The following MYO1D variants were observed in gnomAD, a reference collection of about 807,000 sequenced individuals.
MYO1D encodes unconventional myosin-Id.
In MYO1D, 83 loss-of-function variants were observed where a neutral mutation model predicts 122.0. The ratio of observed to expected loss-of-function variants is 0.68; its 90% CI spans 0.57 to 0.82. The LOEUF is 0.82. MYO1D is among the 40% of genes least tolerant of loss of function. MYO1D has a pLI of 0.00. For missense variants in MYO1D, 1,157 were observed against 1,269.5 expected, an observed-to-expected ratio of 0.91 and a Z score of 1.35; for synonymous variants, 464 against 446.9, an observed-to-expected ratio of 1.04 and a Z score of -0.48.
chr17:32,726,211 G>A (rs1302047364), intron 14 of MYO1D, among the ~76,000 whole-genome samples: 5 of 152,094 alleles, frequency 3.3e-5, no homozygotes, highest in Admixed American at 2.6e-4. Flanking sequence ...TTGAGGTCAG[G>A]GGTTTGAGAC....
chr17:32,636,642 T>A (rs956062696), intron 20 of MYO1D, among the ~76,000 whole-genome samples: 1 of 151,934 alleles, frequency 6.6e-6, no homozygotes, highest in Admixed American at 6.6e-5. Context: ...GGCAAGGAAG[T>A]GGGGAGAGAA....
intron 16 of MYO1D, among the ~76,000 whole-genome samples, chr17:32,662,433 G>A (rs2088579049): frequency 6.6e-6 from 1 of 152,196 alleles, no homozygotes; most frequent in Admixed American, 6.5e-5. Context: ...GGCACTTTGG[G>A]AGGCCAAGGT....
rs144471979 is a variant in MYO1D, at chr17:32,540,990, G to A, written c.2865-46075C>T. Among the ~76,000 whole-genome samples the A allele has an allele frequency of 1.7e-4, 25 of 151,252 alleles. 1 individual carries two copies. Among genetic ancestry groups the A allele is most frequent in the Admixed American group, 5.3e-4 (8 of 15,152 alleles). On this transcript the variant is annotated intron_variant, in intron 21 of 21. Transcript: ENST00000318217. ...AATGGAGAAATTAGAAGCTTCATAC[G>A]CTGCTGGTAGAAATACAGTGGTCAC...
intron 13 of MYO1D, among the ~76,000 whole-genome samples, chr17:32,740,380 A>G (rs576879931): frequency 8.4e-4 from 128 of 152,352 alleles, no homozygotes; most frequent in African/African-American, 3.0e-3. Context: ...TGAAGGAAAT[A>G]AGATAATACG....
chr17:32,814,948 G>A (rs371068242), intron 1 of MYO1D, among the ~76,000 whole-genome samples: 1 of 152,218 alleles, frequency 6.6e-6, no homozygotes, highest in East Asian at 1.9e-4. Flanking sequence ...CAACAAAAGT[G>A]GCAGAGAATG....
rs1356873708 is a variant in MYO1D at position 32,780,670 on chromosome 17, C to T, written c.210G>A (p.Glu70=). Residue 70 remains glutamate, a synonymous_variant, in exon 2 of 22, where the codon GAG becomes GAA. Coordinates refer to ENST00000318217, the MANE Select transcript of MYO1D (RefSeq NM_015194.3). ...AAAGGTGAGGCGGTCTCTCATACAG[C>T]TCACGGCCTTTATACTGCTCAATTG... ...RDTIEQYKGR[E]LYERPPHLFA... 6.2e-7 allele frequency: 1 copy of T among 1,614,186 alleles called. No homozygotes were observed.
At chr17:32,693,196 T>G (rs1342319385) in intron 16 of MYO1D, among the ~76,000 whole-genome samples, 5 of 152,204 alleles carry the variant, frequency 3.3e-5, no homozygotes, top group Non-Finnish European at 7.3e-5. Flanking sequence ...TTACAAAGAG[T>G]CAAATCTCTT....
chr17:32,494,698 G>C lies in MYO1D; in HGVS notation c.*61C>G, dbSNP rs916776999. On this transcript the variant is annotated 3_prime_UTR_variant, in exon 22 of 22. Transcript: ENST00000318217. ...AGCGGGCATGGGTTGGGAGGCAGCA[G>C]CTGGACTGGGACCCAGGACTCGGAG... The C allele has an allele frequency of 6.6e-7, 1 of 1,506,578 alleles. No homozygotes were observed. The highest frequency in any genetic ancestry group is 1.4e-5 in the African/African-American group (1 of 72,548). The allele number at this position is 1,506,578 out of a possible 1,614,324, so 93.3% of individuals were successfully genotyped here. A position where few individuals can be genotyped will look rare whatever the true frequency, so the allele number is the denominator to read the frequency against.
At chr17:32,641,302 A>G (rs1236915960) in intron 19 of MYO1D, among the ~76,000 whole-genome samples, 1 of 151,658 alleles carries the variant, frequency 6.6e-6, no homozygotes, top group African/African-American at 2.4e-5. Flanking sequence ...TCCATGGTGT[A>G]TATGTGCCAC....
At position 32,760,591 on chromosome 17, in the gene MYO1D, G is replaced by C; in HGVS notation, c.1072C>G (p.Arg358Gly). Residue 358 changes from arginine to glycine, a missense_variant, in exon 9 of 22, where the codon CGC (arginine) becomes GGC (glycine). Transcript: ENST00000318217. ...TTGACCTCAATAATATCATTGATGC[G>C]AGTAACGATCCAACAAAAAAGGCGC... ...YERLFCWIVT[R>G]INDIIEVKNY... 6.2e-7 allele frequency: 1 copy of C among 1,611,706 alleles called. No individual in the cohort carries two copies. Among genetic ancestry groups the C allele is most frequent in the Non-Finnish European group, 8.5e-7 (1 of 1,179,088 alleles).
At chr17:32,541,019 C>T (rs533094678) in intron 21 of MYO1D, among the ~76,000 whole-genome samples, 1 of 151,946 alleles carries the variant, frequency 6.6e-6, no homozygotes, top group South Asian at 2.1e-4. Flanking sequence ...TGGTCACCTG[C>T]TTTGGGAAAT....
chr17:32,517,759 A>C (rs955519196), intron 21 of MYO1D, among the ~76,000 whole-genome samples: 1 of 152,220 alleles, frequency 6.6e-6, no homozygotes, highest in Non-Finnish European at 1.5e-5. Flanking sequence ...TTCCCCTTAC[A>C]TACAATTTAA....
intron 16 of MYO1D, among the ~76,000 whole-genome samples, chr17:32,663,619 G>C (rs79549008): frequency 6.6e-6 from 1 of 152,062 alleles, no homozygotes; most frequent in Non-Finnish European, 1.5e-5. Flanking sequence ...TGCTTGCAGA[G>C]GCTTTCCTCA....
intron 21 of MYO1D, among the ~76,000 whole-genome samples, chr17:32,516,032 T>C (rs1215980065): frequency 6.6e-6 from 1 of 152,242 alleles, no homozygotes; most frequent in Non-Finnish European, 1.5e-5. Flanking sequence ...CAGGCCTTTC[T>C]ATCAATATGT....
chr17:32,702,576 C>A (rs140284567), intron 16 of MYO1D, among the ~76,000 whole-genome samples: 3 of 152,062 alleles, frequency 2.0e-5, no homozygotes, highest in Non-Finnish European at 4.4e-5. Context: ...TGTCCCTCCT[C>A]GCCCCCCAGT....
At chr17:32,680,836 C>G (rs550319552) in intron 16 of MYO1D, among the ~76,000 whole-genome samples, 8,270 of 152,118 alleles carry the variant, frequency 0.054, 719 homozygotes, top group African/African-American at 0.18. Flanking sequence ...GTACCAGTTC[C>G]TCCTTGTACC....
intron 21 of MYO1D, among the ~76,000 whole-genome samples, chr17:32,536,573 T>C (rs1423302445): frequency 6.6e-6 from 1 of 152,356 alleles, no homozygotes; most frequent in African/African-American, 2.4e-5. Flanking sequence ...TCTTATGTGC[T>C]GGCTTAAATT....
At chr17:32,500,120 A>G (rs1300221249) in intron 21 of MYO1D, among the ~76,000 whole-genome samples, 1 of 152,200 alleles carries the variant, frequency 6.6e-6, no homozygotes, top group East Asian at 1.9e-4. Flanking sequence ...TGCCCTGCAC[A>G]CAGGAGATGC....
intron 1 of MYO1D, among the ~76,000 whole-genome samples, chr17:32,876,187 A>T (rs2091226797): frequency 6.6e-6 from 1 of 152,190 alleles, no homozygotes; most frequent in South Asian, 2.1e-4. Context: ...TTAGAGAGTA[A>T]CTAAAAAAAT....
Sources: allele counts gnomAD v4.1 joint callset (sites outside exome capture counted in the v4.1 genomes callset), GRCh38; gene constraint gnomAD v4.1.1; transcripts MANE v1.5; gene names NCBI Gene and HGNC (gene_info 2026-07-23, HGNC 2026-07-21).